The following NPHP4 variants were observed in gnomAD, a reference collection of about 807,000 sequenced individuals.
NPHP4 encodes the protein nephrocystin-4.
A neutral mutation model predicts 155.8 loss-of-function variants in NPHP4; 151 were observed. The observed-to-expected ratio is 0.97, with a 90% CI of 0.85 to 1.11. The LOEUF (loss-of-function observed/expected upper bound fraction) is 1.11. Among genes scored for constraint, NPHP4 ranks in the 50% least tolerant of loss-of-function variants. The pLI, the probability that NPHP4 is intolerant of heterozygous loss-of-function variation, is 0.00. For missense variants in NPHP4, 1,956 were observed against 1,925.7 expected, an observed-to-expected ratio of 1.02 and a Z score of -0.29; for synonymous variants, 845 against 816.8, an observed-to-expected ratio of 1.03 and a Z score of -0.59.
Position 5,961,247 on chromosome 1 carries a change from G to C in NPHP4, c.673+547C>G, listed in dbSNP as rs1650261567. 1.3e-5 allele frequency among the ~76,000 whole-genome samples: 2 copies of C among 152,180 alleles called. 1 individual carries two copies. Among genetic ancestry groups the C allele is most frequent in the South Asian group, 4.1e-4 (2 of 4,824 alleles). The stretch of plus-strand genomic sequence containing the variant: ...CGGAAGGGTGGCTGCCAGGGGCTGG[G>C]GGAGTAGGGAATAGGGAGTCAGTGT... On this transcript the variant is annotated intron_variant, in intron 6 of 29. Coordinates refer to ENST00000378156, the MANE Select transcript of NPHP4 (RefSeq NM_015102.5).
chr1:5,875,218 C>T (rs1406554898), intron 20 of NPHP4, 118 bp from the exon 21 acceptor site: 8 of 783,838 alleles, frequency 1.0e-5, no homozygotes, highest in East Asian at 2.7e-5. Context: ...ACAAGCATCG[C>T]CACCACCACC....
chr1:5,985,029 T>C lies in NPHP4; in HGVS notation c.135+1126A>G, dbSNP rs529261671. ...TAAGTGAATGAACACAGTGAAGTGC[T>C]AGAAGTAAAGCTACAAAAGCAGCAG... On this transcript the variant is annotated intron_variant, in intron 2 of 29. Transcript: ENST00000378156. Among the ~76,000 whole-genome samples the C allele has an allele frequency of 1.1e-3, 175 of 152,296 alleles. 1 individual carries two copies. Among genetic ancestry groups the C allele is most frequent in the Non-Finnish European group, 2.3e-3 (159 of 68,030 alleles).
Position 5,988,571 on chromosome 1 carries a change from T to C in NPHP4, c.-38-2244A>G, listed in dbSNP as rs949080629. On this transcript the variant is annotated intron_variant, in intron 1 of 29. Coordinates refer to ENST00000378156, the MANE Select transcript of NPHP4 (RefSeq NM_015102.5). ...GTTTTAACTTCTATGGCAGTAAACA[T>C]TGGTAGATATAACTCACATAAACAA... Among the ~76,000 whole-genome samples the C allele has an allele frequency of 1.2e-4, 18 of 152,216 alleles. 1 individual carries two copies. Among genetic ancestry groups the C allele is most frequent in the African/African-American group, 3.1e-4 (13 of 41,450 alleles).
chr1:5,891,354 G>A (rs142577166), intron 16 of NPHP4, among the ~76,000 whole-genome samples: 3 of 152,308 alleles, frequency 2.0e-5, no homozygotes, highest in African/African-American at 7.2e-5. Flanking sequence ...TATTCTGGGC[G>A]TGTAGAATTT....
chr1:5,881,930 CT>C (rs768732511), intron 18 of NPHP4: 1 of 152,288 alleles, frequency 6.6e-6, no homozygotes, highest in Non-Finnish European at 1.5e-5. Context: ...TGGCCGCCTC[CT>C]ACTGTCTGCG....
intron 3 of NPHP4, among the ~76,000 whole-genome samples, chr1:5,976,883 G>A (rs1276336413): frequency 6.6e-6 from 1 of 152,156 alleles, no homozygotes; most frequent in African/African-American, 2.4e-5. Flanking sequence ...ACTGGCCAGA[G>A]CAGGCCCCCA....
intron 16 of NPHP4, among the ~76,000 whole-genome samples, chr1:5,902,724 A>T (rs1290205209): frequency 2.0e-5 from 3 of 152,254 alleles, no homozygotes; most frequent in Admixed American, 6.5e-5. Context: ...TTAAAACTGT[A>T]AATTCCCCTG....
chr1:5,903,276 C>T (rs537571943), intron 16 of NPHP4, among the ~76,000 whole-genome samples: 4 of 152,258 alleles, frequency 2.6e-5, no homozygotes, highest in African/African-American at 9.6e-5. Context: ...TAGAAGATCG[C>T]GGATTCAGAA....
intron 19 of NPHP4, chr1:5,879,298 T>A (rs906999066): frequency 1.3e-5 from 4 of 306,712 alleles, no homozygotes; most frequent in Non-Finnish European, 1.9e-5. Context: ...ACTTCCCACT[T>A]GTAATTCAAA....
At chr1:5,923,393 C>A (rs548158389) in intron 11 of NPHP4, among the ~76,000 whole-genome samples, 1 of 152,206 alleles carries the variant, frequency 6.6e-6, no homozygotes, top group South Asian at 2.1e-4. Flanking sequence ...AGAGGGAAGG[C>A]CTACCCTGAC....
intron 29 of NPHP4, chr1:5,863,667 T>A: frequency 3.2e-6 from 2 of 627,478 alleles, no homozygotes; most frequent in Non-Finnish European, 2.8e-6. Flanking sequence ...TGAAAAGCCC[T>A]GGGCACAACA....
chr1:5,905,612 C>T lies in NPHP4; in HGVS notation c.1763+20G>A. On this transcript the variant is annotated intron_variant, in intron 14 of 29. Transcript: ENST00000378156. The surrounding 1 kb of genome is among the most constrained non-coding windows in gnomAD (Gnocchi z 4.0). ...GCACAGCACGTGACTGGTTCCATCCCACCCAGACCCACACCTCACCTCCTG... is the reference window on the plus strand; with the variant it reads ...GCACAGCACGTGACTGGTTCCATCCTACCCAGACCCACACCTCACCTCCTG... 6.2e-7 allele frequency: 1 copy of T among 1,613,546 alleles called. No individual in the cohort carries two copies. The highest frequency in any genetic ancestry group is 1.1e-5 in the South Asian group (1 of 91,006).
chr1:5,863,360 T>A lies in NPHP4; in HGVS notation c.4186A>T (p.Ser1396Cys), dbSNP rs1640831223. Residue 1396 changes from serine (S) to cysteine (C), a missense_variant, in exon 30 of 30, where the codon AGT (serine) becomes TGT (cysteine). Coordinates refer to ENST00000378156, the MANE Select transcript of NPHP4 (RefSeq NM_015102.5). ...TYTIGLQFAPSQRVGEEEILI... is the reference protein window; with the variant it reads ...TYTIGLQFAPCQRVGEEEILI... ...ATCTCCTCCTCACCCACTCTCTGAC[T>A]AGGCGCAAACTGCAAGCCGATGGTG... 6.2e-7 allele frequency: 1 copy of A among 1,613,886 alleles called. No individual in the cohort carries two copies. The highest frequency in any genetic ancestry group is 8.5e-7 in the Non-Finnish European group (1 of 1,179,864).
At chr1:5,958,849 C>A (rs1244272989) in intron 6 of NPHP4, among the ~76,000 whole-genome samples, 3 of 32,864 alleles carry the variant, frequency 9.1e-5, no homozygotes, top group South Asian at 7.7e-4. Flanking sequence ...AGAGCCAGAC[C>A]CTGTCTCAAA....
rs1645145055 is a variant in NPHP4, at chr1:5,910,847, C to A, written c.1442-1634G>T. On this transcript the variant is annotated intron_variant, in intron 11 of 29. Coordinates refer to ENST00000378156, the MANE Select transcript of NPHP4 (RefSeq NM_015102.5). This position sits in a 1 kb window ranked among gnomAD's most constrained non-coding sequence, Gnocchi z 5.4. ...CCCCAGCTGCAGGATCTGGTGGAAA[C>A]CCTGCTAAGGGCCTGTGGATGGGTG... Among the ~76,000 whole-genome samples, 1 of 152,168 alleles carries A rather than the reference C, an allele frequency of 6.6e-6. No homozygotes were observed. The highest frequency in any genetic ancestry group is 6.5e-5 in the Admixed American group (1 of 15,282).
At chr1:5,900,488 A>G (rs1644617482) in intron 16 of NPHP4, among the ~76,000 whole-genome samples, 1 of 152,162 alleles carries the variant, frequency 6.6e-6, no homozygotes, top group Non-Finnish European at 1.5e-5. Flanking sequence ...TTCCAGCTGT[A>G]TGACATTCTG....
chr1:5,880,299 A>AT, intron 18 of NPHP4, 60 bp from the exon 19 acceptor site: 1 of 1,580,226 alleles, frequency 6.3e-7, no homozygotes, highest in Non-Finnish European at 8.7e-7. Context: ...GATGAAACAG[A>AT]TCAACCCACC....
intron 5 of NPHP4, among the ~76,000 whole-genome samples, chr1:5,963,669 G>C (rs1450201927): frequency 6.7e-6 from 1 of 148,926 alleles, no homozygotes; most frequent in Admixed American, 6.9e-5. Flanking sequence ...ACTGCAACGG[G>C]GTTTCCAACC....
At chr1:5,986,513 C>T (rs895927886) in intron 1 of NPHP4, among the ~76,000 whole-genome samples, 186 bp from the exon 2 acceptor site, 1 of 152,128 alleles carries the variant, frequency 6.6e-6, no homozygotes, top group African/African-American at 2.4e-5. Flanking sequence ...CTAGGAAGTA[C>T]CATTTGCATT....
Sources: allele counts gnomAD v4.1 joint callset (sites outside exome capture counted in the v4.1 genomes callset), GRCh38; gene constraint gnomAD v4.1.1; non-coding constraint Gnocchi (gnomAD v3.1); transcripts MANE v1.5; gene names NCBI Gene and HGNC (gene_info 2026-07-23, HGNC 2026-07-21).